The following FMN1 variants were observed in gnomAD, a reference collection of about 807,000 sequenced individuals.
FMN1 encodes the protein formin-1.
Under a neutral mutation model 132.4 loss-of-function variants are expected in FMN1, and 110 were observed. The ratio of observed to expected loss-of-function variants is 0.83; its 90% CI spans 0.71 to 0.97. FMN1 has a LOEUF of 0.97. Among genes scored for constraint, FMN1 ranks in the 50% least tolerant of loss-of-function variants. FMN1 has a pLI of 0.00. For missense variants in FMN1, 1,792 were observed against 1,705.3 expected (o/e 1.05, Z -0.90); for synonymous variants, 722 against 651.7 (o/e 1.11, Z -1.64).
At chr15:32,840,336 T>C (rs566936036) in intron 17 of FMN1, among the ~76,000 whole-genome samples, 3 of 152,178 alleles carry the variant, frequency 2.0e-5, no homozygotes, top group Non-Finnish European at 2.9e-5. Context: ...GATGATCATA[T>C]TCCCAGGAGG....
rs1380596696 is a variant in FMN1 at position 32,777,508 on chromosome 15, AAC to A, written c.4131-591_4131-590del. Reference sequence around the variant, plus strand: ...TATTTATATATTACGTATAACATATAACACATTTATATATTACGTATAACATA... The same window carrying A: ...TATTTATATATTACGTATAACATATAACATTTATATATTACGTATAACATA... On this transcript the variant is annotated intron_variant, in intron 19 of 20. Coordinates refer to ENST00000616417, the MANE Select transcript of FMN1 (RefSeq NM_001277313.2). Among the ~76,000 whole-genome samples, 32 of 96,558 alleles carry A rather than the reference AAC, an allele frequency of 3.3e-4. 4 individuals carry two copies. Among genetic ancestry groups the A allele is most frequent in the Non-Finnish European group, 7.6e-4 (30 of 39,292 alleles). The allele number at this position is 96,558 out of a possible 152,430, so 63.3% of individuals were successfully genotyped here.
intron 3 of FMN1, among the ~76,000 whole-genome samples, chr15:33,170,245 C>A (rs1477279574): frequency 6.6e-6 from 1 of 152,092 alleles, no homozygotes; most frequent in East Asian, 1.9e-4. Flanking sequence ...CTTGCTATAT[C>A]TCTTGACATA....
chr15:32,801,369 A>C (rs1166419663), intron 18 of FMN1, among the ~76,000 whole-genome samples: 1 of 152,186 alleles, frequency 6.6e-6, no homozygotes, highest in Non-Finnish European at 1.5e-5. Flanking sequence ...GGAAACTAAG[A>C]AAGCAAGTGA....
chr15:32,955,009 G>C (rs766249278), intron 9 of FMN1, among the ~76,000 whole-genome samples: 2 of 152,168 alleles, frequency 1.3e-5, no homozygotes, highest in Non-Finnish European at 2.9e-5. Context: ...TAAGCTGTGG[G>C]GTTGTTGCTG....
chr15:33,059,397 T>C (rs1343887510), intron 6 of FMN1, among the ~76,000 whole-genome samples: 1 of 152,212 alleles, frequency 6.6e-6, no homozygotes, highest in Non-Finnish European at 1.5e-5. Context: ...TTCAGTTCCT[T>C]TGGATATATG....
chr15:32,868,766 C>T (rs1289225560), intron 16 of FMN1, among the ~76,000 whole-genome samples: 5 of 151,768 alleles, frequency 3.3e-5, no homozygotes, highest in Admixed American at 6.6e-5. Flanking sequence ...AATCCCTGTC[C>T]GGGTTCCATA....
intron 4 of FMN1, among the ~76,000 whole-genome samples, chr15:33,111,834 G>A (rs556985337): frequency 3.3e-5 from 5 of 152,206 alleles, no homozygotes; most frequent in South Asian, 2.1e-4. Context: ...GGGGTTTTGG[G>A]GGAGGTGATG....
intron 7 of FMN1, among the ~76,000 whole-genome samples, chr15:32,986,172 T>A (rs2033055793): frequency 6.6e-6 from 1 of 152,116 alleles, no homozygotes; most frequent in Non-Finnish European, 1.5e-5. Flanking sequence ...CAGTTATGGA[T>A]CTATCCAGGA....
intron 3 of FMN1, among the ~76,000 whole-genome samples, chr15:33,179,956 C>T (rs964882178): frequency 1.3e-5 from 2 of 152,110 alleles, no homozygotes; most frequent in African/African-American, 4.8e-5. Context: ...AGCTGGGAGG[C>T]AGCTTTGAAA....
At chr15:32,983,862 C>T (rs58614256) in intron 7 of FMN1, among the ~76,000 whole-genome samples, 13,338 of 152,162 alleles carry the variant, frequency 0.088, 707 homozygotes, top group African/African-American at 0.14. Context: ...GTGAATTCAG[C>T]GCTAAGACAG....
chr15:33,054,365 ATTTTTTTCATCT>A (rs1180327845), intron 6 of FMN1, among the ~76,000 whole-genome samples: 1 of 152,014 alleles, frequency 6.6e-6, no homozygotes, highest in Non-Finnish European at 1.5e-5. Flanking sequence ...AAAAGGTTAG[ATTTTTTTCATCT>A]AAATATTCTT....
intron 4 of FMN1, among the ~76,000 whole-genome samples, chr15:33,142,928 G>A (rs1964065659): frequency 6.6e-6 from 1 of 152,182 alleles, no homozygotes; most frequent in South Asian, 2.1e-4. Flanking sequence ...TGGTTAATCT[G>A]TGACCAGTGA....
intron 4 of FMN1, among the ~76,000 whole-genome samples, chr15:33,108,982 G>T (rs2039593087): frequency 6.6e-6 from 1 of 152,016 alleles, no homozygotes; most frequent in African/African-American, 2.4e-5. Flanking sequence ...GAGTTATCCA[G>T]TCTAATACTA....
chr15:33,184,810 T>C (rs765871896), intron 2 of FMN1, among the ~76,000 whole-genome samples: 1 of 152,208 alleles, frequency 6.6e-6, no homozygotes. Flanking sequence ...AGCTATAATT[T>C]AGACCTTTTT....
At chr15:33,093,935 G>C (rs1395155778) in intron 4 of FMN1, among the ~76,000 whole-genome samples, 1 of 152,182 alleles carries the variant, frequency 6.6e-6, no homozygotes, top group Non-Finnish European at 1.5e-5. Context: ...CCACCTACAT[G>C]CTCATTTTAT....
intron 9 of FMN1, among the ~76,000 whole-genome samples, chr15:32,926,732 A>G (rs899576487): frequency 6.6e-6 from 1 of 152,220 alleles, no homozygotes; most frequent in Non-Finnish European, 1.5e-5. Context: ...TGGCCTTGGT[A>G]AAGTGATAAC....
At chr15:33,150,609 A>T in intron 4 of FMN1, 1 of 985,474 alleles carries the variant, frequency 1.0e-6, no homozygotes, top group South Asian at 4.7e-5. Context: ...TAGTCTTGTA[A>T]CAAGGATAAG....
At chr15:33,093,023 A>G (rs995253461) in intron 4 of FMN1, among the ~76,000 whole-genome samples, 1 of 152,246 alleles carries the variant, frequency 6.6e-6, no homozygotes, top group African/African-American at 2.4e-5. Flanking sequence ...ATATAAAAAT[A>G]TACCAATTTC....
intron 4 of FMN1, among the ~76,000 whole-genome samples, chr15:33,122,266 T>C (rs1962636505): frequency 6.6e-6 from 1 of 152,222 alleles, no homozygotes; most frequent in Admixed American, 6.5e-5. Flanking sequence ...ATATTCCAAT[T>C]TTGTGTTTCT....
Sources: allele counts gnomAD v4.1 joint callset (sites outside exome capture counted in the v4.1 genomes callset), GRCh38; gene constraint gnomAD v4.1.1; transcripts MANE v1.5; gene names NCBI Gene and HGNC (gene_info 2026-07-23, HGNC 2026-07-21).